COL11A1: variants seen among roughly 807,000 people sequenced by gnomAD.
COL11A1 encodes collagen type XI alpha 1 chain.
Under a neutral mutation model 265.2 loss-of-function variants are expected in COL11A1, and 74 were observed. The ratio of observed to expected loss-of-function variants is 0.28; its 90% CI spans 0.23 to 0.34. The LOEUF (loss-of-function observed/expected upper bound fraction) is 0.34. COL11A1 is among the 10% of genes least tolerant of loss of function. The pLI is 1.00. For missense variants in COL11A1, 2,165 were observed against 2,263.6 expected, an observed-to-expected ratio of 0.96 and a Z score of 0.88; for synonymous variants, 816 against 727.6, an observed-to-expected ratio of 1.12 and a Z score of -1.96.
Position 102,968,961 on chromosome 1 carries a change from C to T in COL11A1, c.2862+1258G>A, listed in dbSNP as rs534683121. On this transcript the variant is annotated intron_variant, in intron 37 of 66. Transcript: ENST00000370096. ...ATTTTGGAATATTCTATAGTTATTC[C>T]CAGAAAGTTATACAATGACTTCATT... Among the ~76,000 whole-genome samples, 13 of 152,106 alleles carry T rather than the reference C, an allele frequency of 8.5e-5. No homozygotes were observed. In the South Asian group the frequency reaches 2.5e-3, roughly 29 times the overall value.
chr1:102,914,235 T>C, intron 52 of COL11A1, 117 bp downstream of exon 52: 2 of 824,108 alleles, frequency 2.4e-6, no homozygotes, highest in South Asian at 3.3e-5. Context: ...ATGTTTTCTT[T>C]TTCTTTCTGT....
rs138979621 is a variant in COL11A1 at position 102,909,248 on chromosome 1, C to T, written c.4086+2911G>A. ...GTGCCTGGCACCTCTGCTGCCCCTT[C>T]TTGCTTCCTCTGTCACCTTGTTATC... is the stretch of plus-strand genomic sequence containing the variant. On this transcript the variant is annotated intron_variant, in intron 54 of 66. Transcript: ENST00000370096. Among the ~76,000 whole-genome samples the T allele has an allele frequency of 1.4e-3, 218 of 152,246 alleles. 1 individual carries two copies. Among genetic ancestry groups the T allele is most frequent in the African/African-American group, 5.0e-3 (209 of 41,564 alleles).
chr1:103,085,959 C>T (rs1324536771), intron 1 of COL11A1, among the ~76,000 whole-genome samples: 1 of 152,124 alleles, frequency 6.6e-6, no homozygotes, highest in Non-Finnish European at 1.5e-5. Flanking sequence ...AGAGAACAAA[C>T]TAAGATTACT....
chr1:103,026,563 C>T (rs963816526), intron 5 of COL11A1, among the ~76,000 whole-genome samples: 11 of 151,938 alleles, frequency 7.2e-5, no homozygotes, highest in South Asian at 2.1e-4. Flanking sequence ...GTTAGTATCA[C>T]GAGAAAACAA....
intron 2 of COL11A1, among the ~76,000 whole-genome samples, chr1:103,082,597 T>G (rs1390127598): frequency 6.6e-6 from 1 of 151,904 alleles, no homozygotes; most frequent in Non-Finnish European, 1.5e-5. Flanking sequence ...ATTATCAAAT[T>G]TTTTGTTATT....
At position 102,883,244 on chromosome 1, in the gene COL11A1, T is replaced by C. The variant is rs1650482151; in HGVS notation, c.4926A>G (p.Thr1642=). 1 of 1,613,708 alleles carries C rather than the reference T, an allele frequency of 6.2e-7. No individual in the cohort carries two copies. Among genetic ancestry groups the C allele is most frequent in the Admixed American group, 1.7e-5 (1 of 59,980 alleles). ...GDSFKVYCNF[T]SGGETCIYPD... is the part of the protein sequence containing the mutation. ...GATAAATGCAAGTCTCACCACCAGA[T>C]GTGAAATTACAGTAAACTTTGAAGG... Residue 1642 remains threonine, a synonymous_variant, in exon 64 of 67, where the codon ACA becomes ACG. Coordinates refer to ENST00000370096, the MANE Select transcript of COL11A1 (RefSeq NM_001854.4).
Position 103,003,758 on chromosome 1 carries a change from G to C in COL11A1, c.1945-490C>G, listed in dbSNP as rs74512803. On this transcript the variant is annotated intron_variant, in intron 20 of 66. Transcript: ENST00000370096. ...ATGCAGATTACAGAAACCATTTTTC[G>C]AGGTTTCTTAAATTATTATTATTCA... 2.6e-5 allele frequency among the ~76,000 whole-genome samples: 4 copies of C among 151,898 alleles called. No homozygotes were observed. In the East Asian group the frequency reaches 5.8e-4, roughly 22 times the overall value.
At chr1:103,081,471 C>T (rs1039417236) in intron 2 of COL11A1, among the ~76,000 whole-genome samples, 3 of 151,648 alleles carry the variant, frequency 2.0e-5, no homozygotes, top group African/African-American at 7.3e-5. Flanking sequence ...TTAATAATCA[C>T]TTTAACTTTT....
chr1:102,879,983 T>C, intron 65 of COL11A1, 67 bp from the exon 66 acceptor site: 1 of 1,052,950 alleles, frequency 9.5e-7, no homozygotes, highest in Non-Finnish European at 1.5e-6. Flanking sequence ...AAGAATTAAA[T>C]CACTGCAGAC....
chr1:103,092,748 C>A (rs1360553411), intron 1 of COL11A1, among the ~76,000 whole-genome samples: 2 of 152,108 alleles, frequency 1.3e-5, no homozygotes, highest in Admixed American at 6.6e-5. Flanking sequence ...GTGTGCTTTT[C>A]ATCACATTTA....
chr1:103,072,216 G>T (rs1442508359), intron 4 of COL11A1, among the ~76,000 whole-genome samples: 12 of 151,874 alleles, frequency 7.9e-5, no homozygotes, highest in Admixed American at 7.9e-4. Flanking sequence ...GCATTTAGCT[G>T]TATAAAGTTG....
intron 57 of COL11A1, among the ~76,000 whole-genome samples, chr1:102,895,985 G>T (rs538931764): frequency 6.6e-6 from 1 of 151,332 alleles, no homozygotes; most frequent in African/African-American, 2.4e-5. Flanking sequence ...AAAATTGATT[G>T]GTTTTCAACA....
Position 103,030,939 on chromosome 1 carries a change from G to T in COL11A1, c.780+177C>A, listed in dbSNP as rs1667936621. ...ATTTATGTAATCAAATGCTTAAACAGCAAGAAAACAAGTACCAAATATATT... is the reference window on the plus strand; with the variant it reads ...ATTTATGTAATCAAATGCTTAAACATCAAGAAAACAAGTACCAAATATATT... On this transcript the variant is annotated intron_variant, in intron 5 of 66. Coordinates refer to ENST00000370096, the MANE Select transcript of COL11A1 (RefSeq NM_001854.4). 4 of 752,216 alleles carry T rather than the reference G, an allele frequency of 5.3e-6. No homozygotes were observed. In the Admixed American group the frequency reaches 7.0e-5, roughly 13 times the overall value. The allele number at this position is 752,216 out of a possible 1,614,324, so 46.6% of individuals were successfully genotyped here.
At chr1:102,964,504 A>T (rs1033557985) in intron 38 of COL11A1, among the ~76,000 whole-genome samples, 2 of 152,118 alleles carry the variant, frequency 1.3e-5, no homozygotes, top group African/African-American at 2.4e-5. Context: ...AAATAAAATA[A>T]TCAATAAATC....
chr1:103,018,905 C>A, intron 9 of COL11A1, 46 bp from the exon 10 acceptor site: 1 of 1,471,946 alleles, frequency 6.8e-7, no homozygotes, highest in South Asian at 1.1e-5. Context: ...ATATAACCCC[C>A]AACCTCTTAA....
At chr1:102,975,015 G>T (rs1662333505) in intron 35 of COL11A1, 132 bp from the exon 36 acceptor site, 6 of 716,508 alleles carry the variant, frequency 8.4e-6, no homozygotes, top group Non-Finnish European at 1.3e-5. Flanking sequence ...CAGAACTATG[G>T]TAATACAACA....
intron 28 of COL11A1, among the ~76,000 whole-genome samples, chr1:102,995,407 AC>A (rs1182867280): frequency 6.6e-6 from 1 of 152,016 alleles, no homozygotes; most frequent in Non-Finnish European, 1.5e-5. Flanking sequence ...ATATAGAAAG[AC>A]TTCCTCTTTC....
chr1:103,078,913 A>G, intron 2 of COL11A1, 42 bp from the exon 3 acceptor site: 7 of 1,386,600 alleles, frequency 5.0e-6, no homozygotes, highest in Non-Finnish European at 5.1e-6. Context: ...TCCAATTTCC[A>G]ATTTCTACTT....
At chr1:102,917,048 TA>T (rs1481837598) in intron 49 of COL11A1, among the ~76,000 whole-genome samples, 5 of 151,500 alleles carry the variant, frequency 3.3e-5, no homozygotes, top group African/African-American at 1.2e-4. Flanking sequence ...TTCATATAAT[TA>T]GAAAAAAAAC....
Sources: gnomAD v4.1 joint callset for allele counts (sites outside exome capture counted in the v4.1 genomes callset) on GRCh38, gnomAD v4.1.1 for gene constraint, MANE v1.5 for transcripts, NCBI Gene and HGNC (gene_info 2026-07-23, HGNC 2026-07-21) for gene names.